Variants in KAT2B observed in about 807,000 individuals in gnomAD.
The protein encoded by KAT2B is lysine acetyltransferase 2B.
In KAT2B, 36 loss-of-function variants were observed where a neutral mutation model predicts 105.9. That is an observed-to-expected ratio of 0.34 (90% CI 0.26 to 0.45). The LOEUF is 0.45. Among genes scored for constraint, KAT2B ranks in the 20% least tolerant of loss-of-function variants. The pLI is 1.00. For missense variants in KAT2B, 820 were observed against 1,021.6 expected (o/e 0.80, Z 2.69); for synonymous variants, 397 against 377.9 (o/e 1.05, Z -0.59).
chr3:20,140,752 A>C (rs1294846445), intron 13 of KAT2B, among the ~76,000 whole-genome samples: 4 of 152,014 alleles, frequency 2.6e-5, no homozygotes, highest in African/African-American at 9.7e-5. Flanking sequence ...TCGGCCTCCC[A>C]AATTGTTGGG....
chr3:20,099,743 CTG>C (rs534300899), intron 3 of KAT2B, 117 bp from the exon 4 acceptor site: 7,981 of 475,784 alleles, frequency 0.017, no homozygotes, highest in Middle Eastern at 0.03. Context: ...CCTTTAAAGG[CTG>C]TGTGTGTGTG....
chr3:20,090,327 T>C lies in KAT2B; in HGVS notation c.431-4936T>C, dbSNP rs116786689. ...TTCTCACCATTGAGTGTGATGTTAA[T>C]TGTGGGTTTGTCACATACGGCCTTT... On this transcript the variant is annotated intron_variant, in intron 2 of 17. Transcript: ENST00000263754. 3.8e-3 allele frequency among the ~76,000 whole-genome samples: 582 copies of C among 152,348 alleles called. 5 individuals carry two copies. Among genetic ancestry groups the C allele is most frequent in the African/African-American group, 0.013 (552 of 41,586 alleles).
At chr3:20,063,154 A>T (rs1698165849) in intron 1 of KAT2B, among the ~76,000 whole-genome samples, 1 of 151,366 alleles carries the variant, frequency 6.6e-6, no homozygotes, top group Non-Finnish European at 1.5e-5. Flanking sequence ...TGCTGCCTCG[A>T]ATTCCTAGGC....
intron 1 of KAT2B, 96 bp downstream of exon 1, chr3:20,040,876 C>A: frequency 7.3e-7 from 1 of 1,368,148 alleles, no homozygotes; most frequent in Non-Finnish European, 9.5e-7. Context: ...CCTCCCGCCT[C>A]CTGCCTCTCG....
Position 20,040,493 on chromosome 3 carries a change from G to A in KAT2B, c.16G>A (p.Gly6Arg), listed in dbSNP as rs1697690988. The A allele has an allele frequency of 9.6e-7, 1 of 1,044,766 alleles. No individual in the cohort carries two copies. The highest frequency in any genetic ancestry group is 1.1e-6 in the Non-Finnish European group (1 of 870,334). The allele number at this position is 1,044,766 out of a possible 1,614,324, so 64.7% of individuals were successfully genotyped here. A position where few individuals can be genotyped will look rare whatever the true frequency, so the allele number is the denominator to read the frequency against. Residue 6 changes from glycine (G) to arginine (R), a missense_variant, in exon 1 of 18, where the codon GGG (glycine) becomes AGG (arginine). Gly to Arg is a moderately radical substitution (Grantham distance 125). This residue lies in a region of KAT2B where 190 missense variants were observed against 176.7 expected (regional missense o/e 1.08). Coordinates refer to ENST00000263754, the MANE Select transcript of KAT2B (RefSeq NM_003884.5). MSEAGGAGPGGCGAGA... is the reference protein window; with the variant it reads MSEAGRAGPGGCGAGA... ...CCGGGGCGGCATGTCCGAGGCTGGCGGGGCCGGGCCGGGCGGCTGCGGGGC... is the reference window on the plus strand; with the variant it reads ...CCGGGGCGGCATGTCCGAGGCTGGCAGGGCCGGGCCGGGCGGCTGCGGGGC...
At chr3:20,087,353 AATTT>A (rs1357126217) in intron 2 of KAT2B, among the ~76,000 whole-genome samples, 4 of 151,956 alleles carry the variant, frequency 2.6e-5, no homozygotes, top group African/African-American at 4.8e-5. Flanking sequence ...ATGAGAAAAT[AATTT>A]ATTTTTTTCG....
intron 1 of KAT2B, among the ~76,000 whole-genome samples, chr3:20,041,367 A>C (rs1250655109): frequency 2.0e-5 from 3 of 152,060 alleles, no homozygotes; most frequent in Non-Finnish European, 4.4e-5. Context: ...GGGCGGAGGC[A>C]CTGCCGCGCG....
chr3:20,062,544 G>A (rs375649248), intron 1 of KAT2B, among the ~76,000 whole-genome samples: 4 of 147,418 alleles, frequency 2.7e-5, no homozygotes, highest in African/African-American at 7.5e-5. Context: ...TCATTGTAAC[G>A]TCTGCCTCCT....
chr3:20,062,024 AC>A, intron 1 of KAT2B, among the ~76,000 whole-genome samples: 1 of 103,816 alleles, frequency 9.6e-6, no homozygotes, highest in African/African-American at 4.0e-5. Context: ...TATATATAAA[AC>A]ATAATATATA....
intron 7 of KAT2B, among the ~76,000 whole-genome samples, chr3:20,118,029 T>C (rs528102606): frequency 3.9e-5 from 6 of 152,016 alleles, no homozygotes; most frequent in African/African-American, 1.2e-4. Context: ...TATAAACCAA[T>C]TGTTAACATT....
chr3:20,119,744 A>G (rs1364522225), intron 8 of KAT2B, 21 bp downstream of exon 8: 2 of 1,613,180 alleles, frequency 1.2e-6, no homozygotes, highest in Non-Finnish European at 8.5e-7. Flanking sequence ...AAGAGGGGAT[A>G]AGAGAGGGCT....
chr3:20,047,992 C>T (rs1448705551), intron 1 of KAT2B, among the ~76,000 whole-genome samples: 1 of 152,018 alleles, frequency 6.6e-6, no homozygotes, highest in Non-Finnish European at 1.5e-5. Context: ...TTAGAAATAT[C>T]TTTTTGGCAA....
intron 2 of KAT2B, among the ~76,000 whole-genome samples, chr3:20,090,522 TGC>T (rs1271688776): frequency 1.3e-5 from 2 of 152,236 alleles, no homozygotes; most frequent in African/African-American, 4.8e-5. Flanking sequence ...GAACCATCCT[TGC>T]ATCCCTGGGA....
At chr3:20,100,386 A>G (rs1698890102) in intron 4 of KAT2B, among the ~76,000 whole-genome samples, 1 of 152,172 alleles carries the variant, frequency 6.6e-6, no homozygotes. Context: ...AAGAAATGAG[A>G]TTTTGTACCC....
intron 5 of KAT2B, among the ~76,000 whole-genome samples, chr3:20,103,754 A>T (rs1402810547): frequency 6.6e-6 from 1 of 152,188 alleles, no homozygotes; most frequent in Non-Finnish European, 1.5e-5. Context: ...AGCCTTTGAG[A>T]ATTACTAAGA....
intron 7 of KAT2B, among the ~76,000 whole-genome samples, chr3:20,116,120 C>A (rs1228107215): frequency 6.6e-6 from 1 of 151,312 alleles, no homozygotes; most frequent in East Asian, 1.9e-4. Context: ...TTTCATGTAT[C>A]TCTGGTCCAA....
chr3:20,103,028 A>C (rs1698936129), intron 5 of KAT2B, among the ~76,000 whole-genome samples: 1 of 152,346 alleles, frequency 6.6e-6, no homozygotes, highest in Non-Finnish European at 1.5e-5. Context: ...TTGCAAATAT[A>C]TGCAATTTCA....
intron 1 of KAT2B, among the ~76,000 whole-genome samples, chr3:20,067,532 C>T (rs990505791): frequency 2.0e-5 from 3 of 152,122 alleles, no homozygotes; most frequent in Non-Finnish European, 2.9e-5. Context: ...AGATCTATAT[C>T]TCTAAAACTC....
At chr3:20,084,521 A>G (rs1430942267) in intron 2 of KAT2B, among the ~76,000 whole-genome samples, 1 of 151,906 alleles carries the variant, frequency 6.6e-6, no homozygotes, top group Non-Finnish European at 1.5e-5. Flanking sequence ...ATTCCTTTCT[A>G]CTTTGGGTTT....
Sources: allele counts gnomAD v4.1 joint callset (sites outside exome capture counted in the v4.1 genomes callset), GRCh38; gene constraint gnomAD v4.1.1; regional missense constraint gnomAD v4.1.1; transcripts MANE v1.5; gene names NCBI Gene and HGNC (gene_info 2026-07-23, HGNC 2026-07-21).